NUP133: variants seen among roughly 807,000 people sequenced by gnomAD.
The protein encoded by NUP133 is nuclear pore complex protein Nup133.
In NUP133, 66 loss-of-function variants were observed where a neutral mutation model predicts 146.2. That is an observed-to-expected ratio of 0.45 (90% CI 0.37 to 0.55). The LOEUF is 0.55. Ranked by LOEUF, NUP133 falls within the 20% of genes least tolerant of loss-of-function variation. The pLI is 0.00. For synonymous variants in NUP133, 521 were observed against 498.8 expected, an observed-to-expected ratio of 1.04 and a Z score of -0.59; for missense variants, 1,277 against 1,374.8, an observed-to-expected ratio of 0.93 and a Z score of 1.12.
chr1:229,446,252 C>CA (rs1298391329), intron 24 of NUP133, among the ~76,000 whole-genome samples: 1 of 151,794 alleles, frequency 6.6e-6, no homozygotes, highest in Non-Finnish European at 1.5e-5. Flanking sequence ...ACTAAAAATA[C>CA]AAAAAAATTA....
chr1:229,498,063 A>C (rs1440603909), intron 6 of NUP133, 73 bp downstream of exon 6: 5 of 1,143,928 alleles, frequency 4.4e-6, no homozygotes, highest in Non-Finnish European at 6.1e-6. Context: ...GGAATACTAA[A>C]TTCAGAGGAT....
chr1:229,494,662 CAGAG>C (rs1009057023), intron 8 of NUP133, among the ~76,000 whole-genome samples: 15 of 152,184 alleles, frequency 9.9e-5, no homozygotes, highest in Non-Finnish European at 2.1e-4. Context: ...ATGCACCACT[CAGAG>C]AGAGCACTGT....
chr1:229,456,861 T>C (rs1364530161), intron 21 of NUP133, among the ~76,000 whole-genome samples: 3 of 151,194 alleles, frequency 2.0e-5, no homozygotes, highest in Non-Finnish European at 4.4e-5. Flanking sequence ...AGAGTTTTGC[T>C]CTGTTGCCCC....
chr1:229,496,520 A>T (rs1401225096), intron 6 of NUP133, among the ~76,000 whole-genome samples: 1 of 152,130 alleles, frequency 6.6e-6, no homozygotes, highest in African/African-American at 2.4e-5. Flanking sequence ...CCTGAAATAG[A>T]GCTTGAGGGC....
chr1:229,472,717 T>C (rs1660988224), intron 14 of NUP133, among the ~76,000 whole-genome samples: 1 of 146,810 alleles, frequency 6.8e-6, no homozygotes. Flanking sequence ...CATATATATA[T>C]ATATATATAT....
At position 229,487,451 on chromosome 1, in the gene NUP133, A is replaced by G. The variant is rs1240431003; in HGVS notation, c.1342+15T>C. ...ATGAGCTCACCAATCATGCTTTCTA[A>G]AACTGCTACTGTACCTTGTGCATTA... On this transcript the variant is annotated intron_variant, in intron 10 of 25. Transcript: ENST00000261396. The G allele has an allele frequency of 1.2e-6, 2 of 1,605,714 alleles. No individual in the cohort carries two copies. The highest frequency in any genetic ancestry group is 8.5e-7 in the Non-Finnish European group (1 of 1,178,308).
chr1:229,471,849 AC>A (rs1201267376), intron 14 of NUP133, among the ~76,000 whole-genome samples: 2 of 152,040 alleles, frequency 1.3e-5, no homozygotes, highest in Admixed American at 6.5e-5. Context: ...ATTGTTCTGT[AC>A]CTTGTTTTGA....
intron 12 of NUP133, among the ~76,000 whole-genome samples, chr1:229,482,201 C>A (rs564759981): frequency 6.6e-6 from 1 of 152,186 alleles, no homozygotes; most frequent in South Asian, 2.1e-4. Context: ...CTCAGTAGAT[C>A]ACGAGGTACA....
At chr1:229,475,527 C>T in intron 14 of NUP133, 111 bp downstream of exon 14, 2 of 699,602 alleles carry the variant, frequency 2.9e-6, no homozygotes, top group Non-Finnish European at 4.9e-6. Context: ...ATGGAAAACA[C>T]CAGTCATGCC....
At chr1:229,487,731 A>G in intron 9 of NUP133, 118 bp from the exon 10 acceptor site, 5 of 798,418 alleles carry the variant, frequency 6.3e-6, no homozygotes, top group Non-Finnish European at 9.6e-6. Flanking sequence ...TCTCTTTGTA[A>G]AAATCTGAAC....
chr1:229,488,955 C>T (rs1334762263), intron 9 of NUP133, among the ~76,000 whole-genome samples: 4 of 152,166 alleles, frequency 2.6e-5, no homozygotes, highest in African/African-American at 7.2e-5. Flanking sequence ...AGTTATTAAA[C>T]ATGTTTAATT....
chr1:229,476,798 C>T (rs1213659623), intron 13 of NUP133, among the ~76,000 whole-genome samples: 1 of 151,912 alleles, frequency 6.6e-6, no homozygotes, highest in Non-Finnish European at 1.5e-5. Context: ...GTGGTGCACA[C>T]CTGTAATCTC....
At chr1:229,465,548 T>C in intron 16 of NUP133, 29 bp from the exon 17 acceptor site, 3 of 1,419,924 alleles carry the variant, frequency 2.1e-6, no homozygotes, top group South Asian at 2.3e-5. Flanking sequence ...TGTTATCACA[T>C]GCAAAAGGTG....
intron 14 of NUP133, among the ~76,000 whole-genome samples, chr1:229,472,461 C>T (rs1302432546): frequency 6.7e-6 from 1 of 148,576 alleles, no homozygotes; most frequent in African/African-American, 2.5e-5. Context: ...CAGTGGCTCA[C>T]ACCTGTAATC....
At chr1:229,475,569 A>G in intron 14 of NUP133, 69 bp downstream of exon 14, 4 of 1,110,518 alleles carry the variant, frequency 3.6e-6, no homozygotes, top group South Asian at 1.3e-5. Context: ...AATAGAGAGA[A>G]GAGACTTCCC....
chr1:229,495,943 G>A lies in NUP133; in HGVS notation c.924C>T (p.Tyr308=). 6.2e-7 allele frequency: 1 copy of A among 1,610,956 alleles called. No homozygotes were observed. ...TCAGGGCTCTATTTATATCCCAACT[G>A]TATGCATGCTTTTCTGAAGAATCAT... ...ELDDSSEKHA[Y]SWDINRALKE... The change falls in exon 7 of 26, where the codon TAC becomes TAT. Residue 308 remains tyrosine (Y), a synonymous_variant. Transcript: ENST00000261396.
At chr1:229,495,088 G>T (rs1008424947) in intron 8 of NUP133, among the ~76,000 whole-genome samples, 3 of 152,126 alleles carry the variant, frequency 2.0e-5, no homozygotes, top group African/African-American at 4.8e-5. Flanking sequence ...AGCATGAGAA[G>T]ACCCGCACTA....
intron 25 of NUP133, 46 bp downstream of exon 25, chr1:229,444,867 GA>G: frequency 7.5e-7 from 1 of 1,328,414 alleles, no homozygotes; most frequent in Non-Finnish European, 1.1e-6. Flanking sequence ...CCAAAAAACT[GA>G]GGAATGACAC....
intron 4 of NUP133, among the ~76,000 whole-genome samples, chr1:229,500,420 A>G (rs1285331434): frequency 6.6e-6 from 1 of 152,192 alleles, no homozygotes; most frequent in Non-Finnish European, 1.5e-5. Context: ...GGAAAATTCA[A>G]TACAATACAA....
Sources: gnomAD v4.1 joint callset for allele counts (sites outside exome capture counted in the v4.1 genomes callset) on GRCh38, gnomAD v4.1.1 for gene constraint, MANE v1.5 for transcripts, NCBI Gene and HGNC (gene_info 2026-07-23, HGNC 2026-07-21) for gene names.